ATP7B: variants seen among roughly 807,000 people sequenced by gnomAD.
ATP7B encodes copper-transporting ATPase 2.
ATP7B carries 113 observed loss-of-function variants against 118.9 expected under a neutral mutation model. The ratio of observed to expected loss-of-function variants is 0.95; its 90% CI spans 0.82 to 1.11. The LOEUF (loss-of-function observed/expected upper bound fraction) is 1.11. Among genes scored for constraint, ATP7B ranks in the 50% most tolerant of loss-of-function variants. The probability of loss-of-function intolerance (pLI) is 0.00; values close to 1 mark genes in which losing one functional copy is unlikely to be tolerated. For synonymous variants in ATP7B, 777 were observed against 727.4 expected (o/e 1.07, Z -1.10); for missense variants, 1,867 against 1,871.4 (o/e 1.00, Z 0.04).
At chr13:51,985,653 C>T (rs949446545) in intron 1 of ATP7B, among the ~76,000 whole-genome samples, 1 of 152,130 alleles carries the variant, frequency 6.6e-6, no homozygotes, top group Non-Finnish European at 1.5e-5. Flanking sequence ...CTAAAATTGA[C>T]CACATAATTG....
At chr13:51,973,788 T>C in intron 2 of ATP7B, 147 bp downstream of exon 2, 1 of 1,236,870 alleles carries the variant, frequency 8.1e-7, no homozygotes, top group Non-Finnish European at 1.2e-6. Flanking sequence ...TTAACAAATT[T>C]AACATGCAAG....
intron 2 of ATP7B, among the ~76,000 whole-genome samples, chr13:51,973,335 T>G (rs1951933994): frequency 6.6e-6 from 1 of 152,146 alleles, no homozygotes; most frequent in African/African-American, 2.4e-5. Context: ...TCAGCCATGG[T>G]TTGACTGTGT....
In ATP7B at chr13:51,973,918, T is replaced by A. The variant is rs1208470764; in HGVS notation, c.1285+17A>T. On this transcript the variant is annotated intron_variant, in intron 2 of 20. Transcript: ENST00000242839. ...AAAGGAGACAAGCTCAGGACATGCC[T>A]CAAACACACTACGTACCAGAAACGA... The A allele has an allele frequency of 6.2e-7, 1 of 1,614,174 alleles. No homozygotes were observed. Among genetic ancestry groups the A allele is most frequent in the Non-Finnish European group, 8.5e-7 (1 of 1,180,024 alleles).
rs1957294875 is a variant in ATP7B, at chr13:51,940,977, TTTTG to T, written c.3556+100_3556+103del. 6 of 1,535,912 alleles carry T rather than the reference TTTTG, an allele frequency of 3.9e-6. No homozygotes were observed. In the Admixed American group the frequency reaches 6.8e-5, roughly 17 times the overall value. On this transcript the variant is annotated intron_variant, in intron 16 of 20. Coordinates refer to ENST00000242839, the MANE Select transcript of ATP7B (RefSeq NM_000053.4). ...AGGCCTGAAATTAAGAGAGGAAGGC[TTTTG>T]TTTGTCTTCTTTTCTTTTATAAAGG... is the stretch of plus-strand genomic sequence containing the variant.
At chr13:51,964,715 C>A (rs755518288) in intron 5 of ATP7B, 157 bp downstream of exon 5, 29 of 796,596 alleles carry the variant, frequency 3.6e-5, no homozygotes, top group Non-Finnish European at 5.2e-5. Context: ...TACTTACCTG[C>A]AGTTTATTTT....
At position 51,950,019 on chromosome 13, in the gene ATP7B, A is replaced by G. The variant is rs976121134; in HGVS notation, c.2718T>C (p.Ala906=). 1.2e-6 allele frequency: 2 copies of G among 1,614,214 alleles called. No homozygotes were observed. The highest frequency in any genetic ancestry group is 8.5e-7 in the Non-Finnish European group (1 of 1,180,040). ...LAQIVKLVEE[A]QMSKAPIQQL... ...ATTTCTTCATTACCTTTGACATCTG[A>G]GCCTCTTCCACCAGTTTCACAATCT... The change falls in exon 11 of 21, where the codon GCT becomes GCC. Residue 906 remains alanine, a synonymous_variant. Coordinates refer to ENST00000242839, the MANE Select transcript of ATP7B (RefSeq NM_000053.4).
chr13:51,941,197 A>G lies in ATP7B; in HGVS notation c.3440T>C (p.Leu1147Pro). 6.2e-7 allele frequency: 1 copy of G among 1,614,216 alleles called. No homozygotes were observed. The highest frequency in any genetic ancestry group is 8.5e-7 in the Non-Finnish European group (1 of 1,180,046). Residue 1147 changes from leucine (L) to proline (P), a missense_variant, in exon 16 of 21, where the codon CTG (leucine) becomes CCG (proline). Transcript: ENST00000242839. ...CCTCAGCCACTCACGGTTTCCAATC[A>G]GCACAGAGAAGGTCTGGGGGACTGC... ...KDAVPQTFSV[L>P]IGNREWLRRN...
At chr13:51,999,562 G>A (rs1566662777) in intron 1 of ATP7B, among the ~76,000 whole-genome samples, 1 of 152,180 alleles carries the variant, frequency 6.6e-6, no homozygotes, top group Admixed American at 6.5e-5. Context: ...TGGGATTATC[G>A]AAAAGTAAAA....
chr13:51,952,028 A>C (rs1958039295), intron 9 of ATP7B, among the ~76,000 whole-genome samples: 2 of 152,262 alleles, frequency 1.3e-5, no homozygotes, highest in Non-Finnish European at 2.9e-5. Context: ...TGAGAAGGCA[A>C]AGACAACAGC....
chr13:51,989,218 A>G (rs1952799380), intron 1 of ATP7B, among the ~76,000 whole-genome samples: 1 of 152,206 alleles, frequency 6.6e-6, no homozygotes, highest in Admixed American at 6.5e-5. Context: ...AGTAGTGTAC[A>G]TATTCCCCCA....
At chr13:51,937,938 C>CT (rs1422608025) in intron 17 of ATP7B, among the ~76,000 whole-genome samples, 1 of 152,182 alleles carries the variant, frequency 6.6e-6, no homozygotes, top group Non-Finnish European at 1.5e-5. Flanking sequence ...CGGCTCAGTC[C>CT]TCCAACTGTC....
At position 51,935,587 on chromosome 13, in the gene ATP7B, A is replaced by G. The variant is rs2138450581; in HGVS notation, c.4124+6T>C. On this transcript the variant is annotated splice_donor_region_variant and intron_variant, in intron 20 of 20. Transcript: ENST00000242839. ...TCCCACAGATGCTCCACCTGAGGGG[A>G]CTCACCACTTGAGCTGCAGGGATGA... The G allele has an allele frequency of 6.2e-7, 1 of 1,612,520 alleles. No individual in the cohort carries two copies.
At position 51,950,178 on chromosome 13, in the gene ATP7B, G is replaced by C; in HGVS notation, c.2576-17C>G. 6.2e-7 allele frequency: 1 copy of C among 1,614,164 alleles called. No homozygotes were observed. Among genetic ancestry groups the C allele is most frequent in the Non-Finnish European group, 8.5e-7 (1 of 1,180,036 alleles). ...TGGCTTCTCCTAGACGTAGGAAAGA[G>C]ACAACTGTCACTTGCTCAGCCCCAT... On this transcript the variant is annotated splice_polypyrimidine_tract_variant and intron_variant, in intron 10 of 20. Coordinates refer to ENST00000242839, the MANE Select transcript of ATP7B (RefSeq NM_000053.4).
Position 52,011,297 on chromosome 13 carries a change from G to A in ATP7B, c.41C>T (p.Ala14Val). The change falls in exon 1 of 21, where the codon GCC (alanine) becomes GTC (valine). Residue 14 changes from alanine to valine, a missense_variant. By Grantham distance (64) the Ala-to-Val change is moderately conservative. Coordinates refer to ENST00000242839, the MANE Select transcript of ATP7B (RefSeq NM_000053.4). ...QERQITAREG[A>V]SRKILSKLSL... ...GGGAACAAAACTCACTTTCCGACTG[G>A]CCCCTTCTCTGGCTGTGATCTGTCT... 1.2e-6 allele frequency: 2 copies of A among 1,614,206 alleles called. No individual in the cohort carries two copies. The highest frequency in any genetic ancestry group is 1.7e-6 in the Non-Finnish European group (2 of 1,180,012).
chr13:51,977,673 G>A (rs896893616), intron 1 of ATP7B, among the ~76,000 whole-genome samples: 6 of 152,094 alleles, frequency 3.9e-5, no homozygotes, highest in African/African-American at 1.4e-4. Flanking sequence ...ATTTATTATC[G>A]AGTATTATGT....
Position 51,974,371 on chromosome 13 carries a change from T to C in ATP7B, c.849A>G (p.Leu283=), listed in dbSNP as rs1402936786. Residue 283 remains leucine (L), a synonymous_variant, in exon 2 of 21, where the codon CTA becomes CTG. Transcript: ENST00000242839. ...LNIEENIGQL[L]GVQSIQVSLE... ...AGGACACTTGAATACTTTGAACCCC[T>C]AGGAGCTGGCCAATATTTTCTTCAA... The C allele has an allele frequency of 1.2e-6, 2 of 1,613,992 alleles. No homozygotes were observed. The highest frequency in any genetic ancestry group is 1.1e-5 in the South Asian group (1 of 91,078).
chr13:51,985,241 A>G (rs1312173436), intron 1 of ATP7B, among the ~76,000 whole-genome samples: 2 of 152,230 alleles, frequency 1.3e-5, no homozygotes, highest in Non-Finnish European at 2.9e-5. Context: ...AGCAAATGGA[A>G]AGCAAAAAAA....
chr13:51,979,924 AC>A (rs1376347883), intron 1 of ATP7B, among the ~76,000 whole-genome samples: 1 of 152,228 alleles, frequency 6.6e-6, no homozygotes, highest in Non-Finnish European at 1.5e-5. Flanking sequence ...CCAAGCAGTT[AC>A]AGAAGACAAA....
chr13:51,935,057 G>A (rs1956877562), intron 20 of ATP7B, 28 bp from the exon 21 acceptor site: 2 of 1,613,196 alleles, frequency 1.2e-6, no homozygotes, highest in Non-Finnish European at 1.7e-6. Context: ...AACAGCATCT[G>A]AGCCATTCTA....
Sources: allele counts gnomAD v4.1 joint callset (sites outside exome capture counted in the v4.1 genomes callset), GRCh38; gene constraint gnomAD v4.1.1; transcripts MANE v1.5; gene names NCBI Gene and HGNC (gene_info 2026-07-23, HGNC 2026-07-21).